The following EYA2 variants were observed in gnomAD, a reference collection of about 807,000 sequenced individuals.
EYA2 encodes the protein protein phosphatase EYA2.
A neutral mutation model predicts 69.2 loss-of-function variants in EYA2; 31 were observed. That is an observed-to-expected ratio of 0.45 (90% CI 0.34 to 0.60). The LOEUF (loss-of-function observed/expected upper bound fraction) is 0.60. Among genes scored for constraint, EYA2 ranks in the 20% least tolerant of loss-of-function variants. The pLI, the probability that EYA2 is intolerant of heterozygous loss-of-function variation, is 0.02. For synonymous variants in EYA2, 257 were observed against 279.4 expected, an observed-to-expected ratio of 0.92 and a Z score of 0.80; for missense variants, 622 against 701.2, an observed-to-expected ratio of 0.89 and a Z score of 1.28.
Position 47,110,501 on chromosome 20 carries a change from C to T in EYA2, c.888+13333C>T, listed in dbSNP as rs6018282. On this transcript the variant is annotated intron_variant, in intron 9 of 15. Coordinates refer to ENST00000327619, the MANE Select transcript of EYA2 (RefSeq NM_005244.5). ...AATCCCAAAGTGCTGTGATTACAGGCGTGAGCCACCATGTCCGGCCGCTCC... is the reference window on the plus strand; with the variant it reads ...AATCCCAAAGTGCTGTGATTACAGGTGTGAGCCACCATGTCCGGCCGCTCC... Among the ~76,000 whole-genome samples, 492 of 152,248 alleles carry T rather than the reference C, an allele frequency of 3.2e-3. 9 individuals are homozygous for T. The highest frequency in any genetic ancestry group is 0.011 in the African/African-American group (470 of 41,558).
intron 3 of EYA2, among the ~76,000 whole-genome samples, chr20:47,004,109 G>A (rs1035623081): frequency 1.3e-5 from 2 of 152,236 alleles, no homozygotes; most frequent in Non-Finnish European, 2.9e-5. Flanking sequence ...ATGGAGTAGA[G>A]AAGTCATTTG....
At chr20:47,004,829 T>C (rs1982603043) in intron 3 of EYA2, 113 bp from the exon 4 acceptor site, 1 of 1,395,970 alleles carries the variant, frequency 7.2e-7, no homozygotes, top group Non-Finnish European at 1.0e-6. Flanking sequence ...GTATGTTGTC[T>C]CTGCTCTGGA....
intron 5 of EYA2, among the ~76,000 whole-genome samples, chr20:47,043,871 T>A (rs1193645986): frequency 6.6e-6 from 1 of 152,238 alleles, no homozygotes; most frequent in Non-Finnish European, 1.5e-5. Flanking sequence ...TTTTGAGTAG[T>A]TCTTTCACTT....
chr20:47,014,936 C>T (rs1314727849), intron 4 of EYA2, among the ~76,000 whole-genome samples: 1 of 151,824 alleles, frequency 6.6e-6, no homozygotes, highest in Non-Finnish European at 1.5e-5. Context: ...TAAGGAAGAA[C>T]TTTATAAGCT....
chr20:47,144,808 G>C (rs1340686013), intron 10 of EYA2, among the ~76,000 whole-genome samples: 1 of 152,230 alleles, frequency 6.6e-6, no homozygotes, highest in African/African-American at 2.4e-5. Context: ...GCTTGGGACT[G>C]TCTCTATTCA....
intron 9 of EYA2, among the ~76,000 whole-genome samples, chr20:47,097,376 G>T (rs1397731785): frequency 1.3e-5 from 2 of 152,158 alleles, no homozygotes; most frequent in Non-Finnish European, 2.9e-5. Context: ...TGTCTTCCAT[G>T]CCTTTTCTTC....
rs139472641 is a variant in EYA2, at chr20:46,960,587, G to A, written c.-10-29414G>A. On this transcript the variant is annotated intron_variant, in intron 1 of 15. Transcript: ENST00000327619. ...CCGTCGTCCAGCTCTTAAACCCTCT[G>A]CTCTAGTGCAGGGGAGGAGGCAAAC... is the stretch of plus-strand genomic sequence containing the variant. 2.4e-3 allele frequency among the ~76,000 whole-genome samples: 373 copies of A among 152,284 alleles called. 1 individual carries two copies. The highest frequency in any genetic ancestry group is 8.5e-3 in the African/African-American group (352 of 41,550).
At chr20:46,902,407 G>A (rs1984156095) in intron 1 of EYA2, among the ~76,000 whole-genome samples, 1 of 152,208 alleles carries the variant, frequency 6.6e-6, no homozygotes, top group Non-Finnish European at 1.5e-5. Flanking sequence ...GTCTCCAAAT[G>A]GCAGTAGATG....
intron 9 of EYA2, among the ~76,000 whole-genome samples, chr20:47,104,129 C>A (rs542452006): frequency 4.6e-5 from 7 of 152,100 alleles, no homozygotes; most frequent in Non-Finnish European, 8.8e-5. Context: ...TGGCTATAGT[C>A]CTAGTAAGTA....
intron 1 of EYA2, among the ~76,000 whole-genome samples, chr20:46,945,717 C>T (rs1174737346): frequency 6.6e-6 from 1 of 152,214 alleles, no homozygotes; most frequent in Non-Finnish European, 1.5e-5. Flanking sequence ...CCCTTCTGGG[C>T]GTGTTACAGG....
chr20:47,024,555 C>T (rs532863005), intron 5 of EYA2, among the ~76,000 whole-genome samples: 15 of 152,350 alleles, frequency 9.8e-5, no homozygotes, highest in South Asian at 2.1e-4. Flanking sequence ...GTGAGCAAAC[C>T]TCCAGAGCGC....
At chr20:47,178,318 A>G (rs2034462580) in intron 12 of EYA2, among the ~76,000 whole-genome samples, 1 of 146,124 alleles carries the variant, frequency 6.8e-6, no homozygotes, top group Non-Finnish European at 1.5e-5. Context: ...CCTGGGTGAC[A>G]GAGCAAGATC....
chr20:46,904,743 C>G (rs569891388), intron 1 of EYA2, among the ~76,000 whole-genome samples: 95 of 152,324 alleles, frequency 6.2e-4, no homozygotes, highest in African/African-American at 2.2e-3. Context: ...ATGGTGCCCA[C>G]TCAGAACCTT....
chr20:47,056,686 T>C (rs536794015), intron 5 of EYA2, among the ~76,000 whole-genome samples: 19 of 152,154 alleles, frequency 1.2e-4, no homozygotes, highest in Non-Finnish European at 2.1e-4. Context: ...CTGAATTCTC[T>C]GTTGTCTTCC....
intron 10 of EYA2, among the ~76,000 whole-genome samples, chr20:47,155,298 G>A (rs1156693382): frequency 1.3e-5 from 2 of 152,004 alleles, no homozygotes; most frequent in Non-Finnish European, 2.9e-5. Flanking sequence ...TTCACTCCCC[G>A]CTGAGGGGAT....
intron 1 of EYA2, among the ~76,000 whole-genome samples, chr20:46,897,525 C>T (rs1480337106): frequency 1.3e-5 from 2 of 152,202 alleles, no homozygotes; most frequent in African/African-American, 4.8e-5. Context: ...GTAACCAGCT[C>T]AGAGCGAGGA....
At chr20:47,174,085 G>A (rs1019999445) in intron 12 of EYA2, among the ~76,000 whole-genome samples, 2 of 152,210 alleles carry the variant, frequency 1.3e-5, no homozygotes, top group Non-Finnish European at 2.9e-5. Context: ...CCCTCCTCAG[G>A]AGACATCTGG....
rs1215223667 is a variant in EYA2 at position 47,053,667 on chromosome 20, C to CAA, written c.416-18500_416-18499dup. 1.1e-3 allele frequency among the ~76,000 whole-genome samples: 72 copies of CAA among 66,770 alleles called. 1 individual carries two copies. Among genetic ancestry groups the CAA allele is most frequent in the African/African-American group, 2.3e-3 (41 of 17,532 alleles). The allele number at this position is 66,770 out of a possible 152,430, so 43.8% of individuals were successfully genotyped here. On this transcript the variant is annotated intron_variant, in intron 5 of 15. Coordinates refer to ENST00000327619, the MANE Select transcript of EYA2 (RefSeq NM_005244.5). ...GGGGGACAGGAGTGAGACCTTGTCT[C>CAA]AAAAAAAAAAAAAAAAAAAGAGTAA...
intron 5 of EYA2, among the ~76,000 whole-genome samples, chr20:47,062,671 C>T (rs796972271): frequency 6.6e-6 from 1 of 152,094 alleles, no homozygotes; most frequent in Non-Finnish European, 1.5e-5. Context: ...ATCTCGGGTT[C>T]GTGTTACATG....
Sources: allele counts gnomAD v4.1 joint callset (sites outside exome capture counted in the v4.1 genomes callset), GRCh38; gene constraint gnomAD v4.1.1; transcripts MANE v1.5; gene names NCBI Gene and HGNC (gene_info 2026-07-23, HGNC 2026-07-21).